ZFR: variants seen among roughly 807,000 people sequenced by gnomAD.
ZFR encodes zinc finger RNA-binding protein.
A neutral mutation model predicts 130.7 loss-of-function variants in ZFR; 19 were observed. The observed-to-expected ratio is 0.15, with a 90% CI of 0.10 to 0.21. ZFR has a LOEUF of 0.21. Ranked by LOEUF, ZFR falls within the 10% of genes least tolerant of loss-of-function variation. The pLI is 1.00. For missense variants in ZFR, 872 were observed against 1,321.5 expected, an observed-to-expected ratio of 0.66 and a Z score of 5.27; for synonymous variants, 466 against 456.9, an observed-to-expected ratio of 1.02 and a Z score of -0.25.
Position 32,403,185 on chromosome 5 carries a change from G to A in ZFR, c.1437C>T (p.Ser479=). The change falls in exon 8 of 20, where the codon AGC becomes AGT. Residue 479 remains serine, a synonymous_variant. Coordinates refer to ENST00000265069, the MANE Select transcript of ZFR (RefSeq NM_016107.5). ...LTTTGNSSLN[S]TSNTKVSAVP... ...CTGCTGATACTTTAGTGTTAGATGTGCTATTAAGAGACGAGTTTCCTGTAG... is the reference window on the plus strand; with the variant it reads ...CTGCTGATACTTTAGTGTTAGATGTACTATTAAGAGACGAGTTTCCTGTAG... 5.0e-6 allele frequency: 8 copies of A among 1,614,180 alleles called. No individual in the cohort carries two copies. Among genetic ancestry groups the A allele is most frequent in the Non-Finnish European group, 6.8e-6 (8 of 1,180,014 alleles).
At chr5:32,395,544 A>G (rs1753283412) in intron 10 of ZFR, among the ~76,000 whole-genome samples, 1 of 152,204 alleles carries the variant, frequency 6.6e-6, no homozygotes, top group African/African-American at 2.4e-5. Context: ...AAATCCTTAG[A>G]AAAACTAATG....
At chr5:32,428,590 T>C (rs1407256148) in intron 2 of ZFR, among the ~76,000 whole-genome samples, 2 of 152,132 alleles carry the variant, frequency 1.3e-5, no homozygotes, top group Non-Finnish European at 2.9e-5. Flanking sequence ...CAAACAATTA[T>C]AGTACGTTTA....
chr5:32,355,975 A>G, intron 19 of ZFR, 36 bp from the exon 20 acceptor site: 2 of 1,542,008 alleles, frequency 1.3e-6, no homozygotes, highest in South Asian at 2.5e-5. Flanking sequence ...GAGTTAATTG[A>G]AAAACCCCAA....
chr5:32,415,504 G>GTGTGTGTA (rs1214332815), intron 4 of ZFR, among the ~76,000 whole-genome samples: 3 of 93,202 alleles, frequency 3.2e-5, no homozygotes, highest in African/African-American at 1.6e-4. Context: ...GTGTGTGTGT[G>GTGTGTGTA]TGTGTGTGTG....
chr5:32,357,041 T>C (rs1013658324), intron 19 of ZFR, among the ~76,000 whole-genome samples: 1 of 152,112 alleles, frequency 6.6e-6, no homozygotes, highest in African/African-American at 2.4e-5. Context: ...CAGGCTGGAG[T>C]GCAGTGGTGC....
At position 32,431,060 on chromosome 5, in the gene ZFR, G is replaced by A. The variant is rs1397602828; in HGVS notation, c.138-10957C>T. On this transcript the variant is annotated intron_variant, in intron 2 of 19. Coordinates refer to ENST00000265069, the MANE Select transcript of ZFR (RefSeq NM_016107.5). ...ACTGCACTCCAGCCTGGGCAACACA[G>A]TGAGACCCTGTCTCAAAAAACGAAA... Among the ~76,000 whole-genome samples the A allele has an allele frequency of 3.9e-5, 6 of 152,194 alleles. No individual in the cohort carries two copies. In the South Asian group the frequency reaches 1.0e-3, roughly 26 times the overall value.
intron 11 of ZFR, among the ~76,000 whole-genome samples, chr5:32,391,134 G>A (rs1330082209): frequency 2.0e-5 from 3 of 152,336 alleles, no homozygotes; most frequent in Non-Finnish European, 4.4e-5. Flanking sequence ...TTTGAGCAGT[G>A]TGATGAAATC....
At chr5:32,426,406 A>C (rs1754074193) in intron 2 of ZFR, among the ~76,000 whole-genome samples, 1 of 152,016 alleles carries the variant, frequency 6.6e-6, no homozygotes, top group Non-Finnish European at 1.5e-5. Context: ...AAAAAAAAAA[A>C]CCTCAACCAA....
At chr5:32,418,669 G>A (rs1416902533) in intron 3 of ZFR, among the ~76,000 whole-genome samples, 1 of 152,032 alleles carries the variant, frequency 6.6e-6, no homozygotes, top group East Asian at 1.9e-4. Flanking sequence ...CACCTCAAAA[G>A]GAATTTCATT....
intron 17 of ZFR, among the ~76,000 whole-genome samples, chr5:32,374,700 A>AAAGC (rs1426759182): frequency 1.2e-4 from 5 of 40,926 alleles, no homozygotes; most frequent in Non-Finnish European, 1.4e-4. Flanking sequence ...GGAAGAATTA[A>AAAGC]AAGCAAACAA....
intron 19 of ZFR, among the ~76,000 whole-genome samples, chr5:32,361,576 C>T (rs1752431519): frequency 6.6e-6 from 1 of 150,904 alleles, no homozygotes; most frequent in Non-Finnish European, 1.5e-5. Context: ...AATATTTATA[C>T]ATTTTTACCA....
intron 19 of ZFR, among the ~76,000 whole-genome samples, chr5:32,359,464 T>C (rs533271434): frequency 6.6e-6 from 1 of 152,294 alleles, no homozygotes; most frequent in East Asian, 1.9e-4. Flanking sequence ...TTTAATGGGT[T>C]GTTTACTTTC....
chr5:32,368,240 T>C (rs917444679), intron 17 of ZFR, among the ~76,000 whole-genome samples: 1 of 714 alleles, frequency 1.4e-3, no homozygotes, highest in South Asian at 0.045. Context: ...CATCAAAACT[T>C]TTTTCCCCCC....
At chr5:32,435,513 C>G (rs1314707251) in intron 2 of ZFR, among the ~76,000 whole-genome samples, 2 of 152,112 alleles carry the variant, frequency 1.3e-5, no homozygotes, top group Non-Finnish European at 2.9e-5. Context: ...TTCATAGAGA[C>G]CATTATGCTT....
chr5:32,444,523 C>T (rs1163788594), intron 1 of ZFR, 99 bp downstream of exon 1: 7 of 1,368,528 alleles, frequency 5.1e-6, no homozygotes, highest in East Asian at 3.1e-5. Context: ...TGGCGGCCGC[C>T]GCCTCCTCCC....
intron 15 of ZFR, among the ~76,000 whole-genome samples, chr5:32,380,677 C>T (rs1171722565): frequency 3.7e-5 from 4 of 108,118 alleles, no homozygotes; most frequent in Non-Finnish European, 7.0e-5. Flanking sequence ...TTTTTTGAGA[C>T]GGAGTGTCAC....
chr5:32,407,875 G>A (rs1015388273), intron 5 of ZFR, among the ~76,000 whole-genome samples: 1 of 152,074 alleles, frequency 6.6e-6, no homozygotes, highest in African/African-American at 2.4e-5. Context: ...ATCTGTGAAC[G>A]TGGAGACGGG....
chr5:32,409,146 C>T (rs530588404), intron 5 of ZFR, among the ~76,000 whole-genome samples: 1 of 152,282 alleles, frequency 6.6e-6, no homozygotes, highest in East Asian at 1.9e-4. Context: ...TCACTCTTTG[C>T]CCATCCATTA....
chr5:32,371,224 G>C (rs1752663852), intron 17 of ZFR, among the ~76,000 whole-genome samples: 1 of 152,120 alleles, frequency 6.6e-6, no homozygotes, highest in Non-Finnish European at 1.5e-5. Flanking sequence ...AAAGACATTA[G>C]TCAGGTATGG....
Sources: allele counts gnomAD v4.1 joint callset (sites outside exome capture counted in the v4.1 genomes callset), GRCh38; gene constraint gnomAD v4.1.1; transcripts MANE v1.5; gene names NCBI Gene and HGNC (gene_info 2026-07-23, HGNC 2026-07-21).